Variants in PPL observed in about 807,000 individuals in gnomAD.
PPL encodes the protein periplakin.
PPL carries 198 observed loss-of-function variants against 194.4 expected under a neutral mutation model. The ratio of observed to expected loss-of-function variants is 1.02; its 90% CI spans 0.91 to 1.15. PPL has a LOEUF of 1.15. PPL is among the 50% of genes most tolerant of loss of function. The pLI is 0.00. For synonymous variants in PPL, 1,220 were observed against 972.4 expected, an observed-to-expected ratio of 1.25 and a Z score of -4.74; for missense variants, 2,885 against 2,294.8, an observed-to-expected ratio of 1.26 and a Z score of -5.25.
chr16:4,893,118 C>T, intron 14 of PPL, 95 bp downstream of exon 14: 5 of 1,393,562 alleles, frequency 3.6e-6, no homozygotes, highest in Non-Finnish European at 4.7e-6. Context: ...CAGTGAATAT[C>T]CCAAGACTCC....
At position 4,909,110 on chromosome 16, in the gene PPL, C is replaced by T. The variant is rs570317203; in HGVS notation, c.162+1740G>A. ...GTGGAGGCCCAGGGGGGCATGGAGG[C>T]GGGGGCCCCAGGCAGGAGGCCAGGG... is the stretch of plus-strand genomic sequence containing the variant. On this transcript the variant is annotated intron_variant, in intron 2 of 21. Coordinates refer to ENST00000345988, the MANE Select transcript of PPL (RefSeq NM_002705.5). 2.3e-3 allele frequency among the ~76,000 whole-genome samples: 356 copies of T among 152,054 alleles called. 2 individuals carry two copies. The highest frequency in any genetic ancestry group is 7.4e-3 in the African/African-American group (308 of 41,482).
intron 1 of PPL, among the ~76,000 whole-genome samples, chr16:4,931,036 T>C (rs1424965237): frequency 6.6e-6 from 1 of 152,152 alleles, no homozygotes; most frequent in East Asian, 1.9e-4. Flanking sequence ...GCTGGGCTGC[T>C]GGCTCTGCAG....
At chr16:4,934,711 G>A (rs1254908758) in intron 1 of PPL, among the ~76,000 whole-genome samples, 2 of 152,070 alleles carry the variant, frequency 1.3e-5, no homozygotes, top group African/African-American at 4.8e-5. Flanking sequence ...TGTGACCAGC[G>A]ACCACAGCCT....
At chr16:4,897,598 A>C (rs2088457012) in intron 9 of PPL, 77 bp downstream of exon 9, 1 of 1,179,572 alleles carries the variant, frequency 8.5e-7, no homozygotes, top group Non-Finnish European at 1.2e-6. Flanking sequence ...GAGGCCACAC[A>C]TGAGCCAGGT....
chr16:4,894,600 A>G lies in PPL; in HGVS notation c.1261T>C (p.Tyr421His). Residue 421 changes from tyrosine (Y) to histidine (H), a missense_variant, in exon 12 of 22, where the codon TAC (tyrosine) becomes CAC (histidine). Physicochemically the swap from Tyr to His is moderately conservative, Grantham distance 83 (BLOSUM62 2). Coordinates refer to ENST00000345988, the MANE Select transcript of PPL (RefSeq NM_002705.5). ...TTGTTCTTCTGCAGGGTGTAGCTGTAGCCCCGCGAGATCAGGCCCTGGCGG... is the reference window on the plus strand; with the variant it reads ...TTGTTCTTCTGCAGGGTGTAGCTGTGGCCCCGCGAGATCAGGCCCTGGCGG... ...EGEQGLISRG[Y>H]SYTLQKNNGE... The G allele has an allele frequency of 6.2e-7, 1 of 1,613,376 alleles. No homozygotes were observed. Among genetic ancestry groups the G allele is most frequent in the South Asian group, 1.1e-5 (1 of 91,084 alleles).
chr16:4,917,585 C>T (rs7197519), intron 1 of PPL, among the ~76,000 whole-genome samples: 127,811 of 152,092 alleles, frequency 0.84, 55,298 homozygotes, highest in East Asian at 0.99. Context: ...GTGGGGATGG[C>T]TGTACAACTC....
rs2088802827 is a variant in PPL, at chr16:4,910,790, G to A, written c.162+60C>T. The A allele has an allele frequency of 5.7e-6, 8 of 1,393,650 alleles. No individual in the cohort carries two copies. The Admixed American group carries it at 1.3e-4, about 23-fold the overall frequency. 86.3% of individuals were successfully genotyped at this position (1,393,650 alleles called of 1,614,324 possible). A position where few individuals can be genotyped will look rare whatever the true frequency, so the allele number is the denominator to read the frequency against. ...AATCACCGATTCCAAACAGATCCTGGTCCTGAACAGGGCTGGCAGCACGGG... is the reference window on the plus strand; with the variant it reads ...AATCACCGATTCCAAACAGATCCTGATCCTGAACAGGGCTGGCAGCACGGG... On this transcript the variant is annotated intron_variant, in intron 2 of 21. Coordinates refer to ENST00000345988, the MANE Select transcript of PPL (RefSeq NM_002705.5).
chr16:4,920,345 G>GAGAGAAAGAAAGAA (rs1427456398), intron 1 of PPL, among the ~76,000 whole-genome samples: 4 of 25,142 alleles, frequency 1.6e-4, no homozygotes, highest in Non-Finnish European at 5.0e-4. Flanking sequence ...GAGAGAGAGA[G>GAGAGAAAGAAAGAA]AGAAAGAAAG....
At chr16:4,909,123 C>T (rs532817228) in intron 2 of PPL, among the ~76,000 whole-genome samples, 1 of 152,126 alleles carries the variant, frequency 6.6e-6, no homozygotes, top group South Asian at 2.1e-4. Context: ...GGGCCCCAGG[C>T]AGGAGGCCAG....
At chr16:4,925,026 C>T (rs2089130136) in intron 1 of PPL, among the ~76,000 whole-genome samples, 1 of 152,226 alleles carries the variant, frequency 6.6e-6, no homozygotes, top group African/African-American at 2.4e-5. Context: ...CTGGCCAGGG[C>T]CACTGGCCTT....
intron 1 of PPL, among the ~76,000 whole-genome samples, chr16:4,931,235 A>C (rs2089221541): frequency 6.6e-6 from 1 of 152,114 alleles, no homozygotes; most frequent in Non-Finnish European, 1.5e-5. Context: ...GGTGGTGTGC[A>C]CACCTGTAGT....
intron 12 of PPL, 144 bp from the exon 13 acceptor site, chr16:4,893,782 C>T: frequency 1.5e-6 from 1 of 646,072 alleles, no homozygotes; most frequent in South Asian, 1.9e-5. Context: ...CTCACTGTGG[C>T]ACTGGCCTTT....
At chr16:4,894,420 C>CCA in intron 12 of PPL, 47 bp downstream of exon 12, 1 of 1,600,338 alleles carries the variant, frequency 6.2e-7, no homozygotes, top group Non-Finnish European at 8.5e-7. Flanking sequence ...CTGAGAAGCC[C>CCA]TGGGGGTGGG....
intron 1 of PPL, among the ~76,000 whole-genome samples, chr16:4,933,634 C>T (rs1038934470): frequency 2.0e-5 from 3 of 152,232 alleles, no homozygotes; most frequent in African/African-American, 4.8e-5. Context: ...CTCATCTGTC[C>T]GGCTCTATGC....
At chr16:4,893,750 C>T in intron 12 of PPL, 112 bp from the exon 13 acceptor site, 1 of 833,972 alleles carries the variant, frequency 1.2e-6, no homozygotes, top group Non-Finnish European at 1.9e-6. Flanking sequence ...CCTGACAGCT[C>T]CTTAGATGCG....
At chr16:4,890,576 CAAAAG>C (rs1218512874) in intron 17 of PPL, 147 bp downstream of exon 17, 18 of 1,094,752 alleles carry the variant, frequency 1.6e-5, no homozygotes, top group African/African-American at 4.8e-5. Flanking sequence ...AAGCATGACT[CAAAAG>C]AGAGACCACA....
chr16:4,884,020 C>G lies in PPL; in HGVS notation c.4635G>C (p.Ser1545=). Residue 1545 remains serine, a synonymous_variant, in exon 22 of 22, where the codon TCG becomes TCC. Coordinates refer to ENST00000345988, the MANE Select transcript of PPL (RefSeq NM_002705.5). The surrounding 1 kb of genome is among the most constrained non-coding windows in gnomAD (Gnocchi z 5.7). ...VEVSRLEARL[S]ELEFHNSKSS... is the part of the protein sequence containing the mutation. ...ACTTGGAGTTATGGAATTCCAGCTCCGAAAGCCTGGCTTCCAGCCGGCTCA... is the reference window on the plus strand; with the variant it reads ...ACTTGGAGTTATGGAATTCCAGCTCGGAAAGCCTGGCTTCCAGCCGGCTCA... 1 of 1,613,828 alleles carries G rather than the reference C, an allele frequency of 6.2e-7. No individual in the cohort carries two copies. The highest frequency in any genetic ancestry group is 8.5e-7 in the Non-Finnish European group (1 of 1,180,020).
chr16:4,907,884 A>G (rs2088727615), intron 2 of PPL, among the ~76,000 whole-genome samples: 1 of 152,144 alleles, frequency 6.6e-6, no homozygotes, highest in South Asian at 2.1e-4. Flanking sequence ...GGCCGGGTGC[A>G]GTGGCTCACA....
At position 4,911,592 on chromosome 16, in the gene PPL, C is replaced by T. The variant is rs141230973; in HGVS notation, c.63-643G>A. Among the ~76,000 whole-genome samples, 697 of 152,230 alleles carry T rather than the reference C, an allele frequency of 4.6e-3. 6 individuals are homozygous for T. Among genetic ancestry groups the T allele is most frequent in the African/African-American group, 0.016 (668 of 41,550 alleles). ...CACTCTTGCCCAGGCTGGGGTGTAG[C>T]GGCACAGTCATGGCTCACTGCAGCC... On this transcript the variant is annotated intron_variant, in intron 1 of 21. Transcript: ENST00000345988.
Sources: gnomAD v4.1 joint callset for allele counts (sites outside exome capture counted in the v4.1 genomes callset) on GRCh38, gnomAD v4.1.1 for gene constraint, Gnocchi (gnomAD v3.1) non-coding constraint, MANE v1.5 for transcripts, NCBI Gene and HGNC (gene_info 2026-07-23, HGNC 2026-07-21) for gene names.